Variants in AGPAT2 observed in about 807,000 individuals in gnomAD.
AGPAT2 encodes 1-acyl-sn-glycerol-3-phosphate acyltransferase beta.
In AGPAT2, 18 loss-of-function variants were observed where a neutral mutation model predicts 26.1. The observed-to-expected ratio is 0.69, with a 90% CI of 0.48 to 1.02. The LOEUF (loss-of-function observed/expected upper bound fraction) is 1.02. Ranked by LOEUF, AGPAT2 falls within the 50% of genes least tolerant of loss-of-function variation. The pLI is 0.00. For synonymous variants in AGPAT2, 200 were observed against 174.2 expected, an observed-to-expected ratio of 1.15 and a Z score of -1.16; for missense variants, 415 against 394.9, an observed-to-expected ratio of 1.05 and a Z score of -0.43.
At chr9:136,679,244 G>A (rs576304766) in intron 1 of AGPAT2, among the ~76,000 whole-genome samples, 145 of 152,068 alleles carry the variant, frequency 9.5e-4, no homozygotes, top group African/African-American at 3.3e-3. Context: ...CCCCTCCCCA[G>A]CCCTGGCACT....
Position 136,673,739 on chromosome 9 carries a change from GCC to G in AGPAT2, c.*11_*12del, listed in dbSNP as rs1846043547. 3 of 1,566,976 alleles carry G rather than the reference GCC, an allele frequency of 1.9e-6. No homozygotes were observed. Among genetic ancestry groups the G allele is most frequent in the African/African-American group, 2.7e-5 (2 of 74,082 alleles). ...ACCTGCCCTCCCCAGGTCATGCCCT[GCC>G]GTGGTCTGGGCTACTGGGCCGGCTG... On this transcript the variant is annotated 3_prime_UTR_variant, in exon 6 of 6. Transcript: ENST00000371696.
rs142248792 is a variant in AGPAT2 at position 136,674,756 on chromosome 9, T to C, written c.640A>G (p.Lys214Glu). ...GTACCTGAAGTGAAGAACTTCTTCTTGGTGTTGTAGAAGGAGGAGAAGGAA... is the reference window on the plus strand; with the variant it reads ...GTACCTGAAGTGAAGAACTTCTTCTCGGTGTTGTAGAAGGAGGAGAAGGAA... ...YSSFSSFYNTKKKFFTSGTVT... is the reference protein window; with the variant it reads ...YSSFSSFYNTEKKFFTSGTVT... Residue 214 changes from lysine (K) to glutamate (E), a missense_variant, in exon 5 of 6, where the codon AAG (lysine) becomes GAG (glutamate). Physicochemically the swap from Lys to Glu is moderately conservative, Grantham distance 56. Transcript: ENST00000371696. 1.5e-4 allele frequency: 231 copies of C among 1,517,790 alleles called. 1 individual carries two copies. The African/African-American group carries it at 3.0e-3, about 20-fold the overall frequency. 94.0% of individuals were successfully genotyped at this position (1,517,790 alleles called of 1,614,324 possible).
intron 2 of AGPAT2, 96 bp downstream of exon 2, chr9:136,677,327 A>AGCC: frequency 6.3e-7 from 1 of 1,584,532 alleles, no homozygotes; most frequent in Non-Finnish European, 8.6e-7. Context: ...AGGCACAGGC[A>AGCC]GCCCTGTGTC....
Position 136,673,641 on chromosome 9 carries a change from G to A in AGPAT2, c.*111C>T, listed in dbSNP as rs1202250573. 57 of 1,210,634 alleles carry A rather than the reference G, an allele frequency of 4.7e-5. No individual in the cohort carries two copies. Among genetic ancestry groups the A allele is most frequent in the Non-Finnish European group, 5.4e-5 (49 of 900,962 alleles). The allele number at this position is 1,210,634 out of a possible 1,614,324, so 75.0% of individuals were successfully genotyped here. On this transcript the variant is annotated 3_prime_UTR_variant, in exon 6 of 6. Transcript: ENST00000371696. ...CTGCTTCCCGGGCTGAGTGAGAGCT[G>A]GGGGAGCCGGACAGAGTGGTATTTG...
At chr9:136,684,581 G>A (rs1227901368) in intron 1 of AGPAT2, among the ~76,000 whole-genome samples, 3 of 152,166 alleles carry the variant, frequency 2.0e-5, no homozygotes, top group African/African-American at 4.8e-5. Context: ...CCTCAGCCAG[G>A]GCAGCCATTG....
chr9:136,683,401 G>C (rs1031550315), intron 1 of AGPAT2, among the ~76,000 whole-genome samples: 6 of 152,094 alleles, frequency 3.9e-5, no homozygotes, highest in African/African-American at 1.4e-4. Context: ...TCCTGGGCTG[G>C]GACACTCCCA....
chr9:136,685,029 C>T (rs542064199), intron 1 of AGPAT2, among the ~76,000 whole-genome samples: 6 of 152,324 alleles, frequency 3.9e-5, no homozygotes, highest in African/African-American at 1.4e-4. Flanking sequence ...TGCTGGGAGT[C>T]TTGGAAGTCA....
chr9:136,677,355 G>A (rs1846105603), intron 2 of AGPAT2, 68 bp downstream of exon 2: 3 of 1,610,084 alleles, frequency 1.9e-6, no homozygotes, highest in Non-Finnish European at 2.5e-6. Flanking sequence ...CCGGGACCCA[G>A]CCCCACACAG....
chr9:136,676,968 C>T lies in AGPAT2; in HGVS notation c.485G>A (p.Arg162Lys). The T allele has an allele frequency of 6.2e-7, 1 of 1,612,560 alleles. No individual in the cohort carries two copies. Among genetic ancestry groups the T allele is most frequent in the Non-Finnish European group, 8.5e-7 (1 of 1,179,804 alleles). Residue 162 changes from arginine to lysine, a missense_variant, in exon 3 of 6, where the codon AGG becomes AAG. By Grantham distance (26) the Arg-to-Lys change is conservative. Transcript: ENST00000371696. The part of the protein sequence containing the change: ...VMADLGERMV[R>K]ENLKVWIYPE... ...CCGGCCCTGCACACTCACGTTCTCCCTGACCATGCGCTCGCCCAGGTCGGC... is the reference window on the plus strand; with the variant it reads ...CCGGCCCTGCACACTCACGTTCTCCTTGACCATGCGCTCGCCCAGGTCGGC...
Position 136,676,959 on chromosome 9 carries a change from ACGTTCTCCCTGACCATG to A in AGPAT2, c.477_492+1del. The A allele has an allele frequency of 6.3e-7, 1 of 1,577,890 alleles. No homozygotes were observed. ...CCACCGAGCCCGGCCCTGCACACTC[ACGTTCTCCCTGACCATG>A]CGCTCGCCCAGGTCGGCCATCACTG... On this transcript the variant is annotated splice_donor_variant and coding_sequence_variant, in exon 3 of 6. Coordinates refer to ENST00000371696, the MANE Select transcript of AGPAT2 (RefSeq NM_006412.4). LOFTEE classifies it high-confidence loss of function.
chr9:136,679,483 C>T (rs779099887), intron 1 of AGPAT2, among the ~76,000 whole-genome samples: 3 of 152,186 alleles, frequency 2.0e-5, no homozygotes, highest in Admixed American at 6.5e-5. Flanking sequence ...CGCCGGCCAC[C>T]GTCCCCTCCC....
chr9:136,676,581 C>T lies in AGPAT2; in HGVS notation c.588+4G>A. 6.2e-7 allele frequency: 1 copy of T among 1,612,408 alleles called. No homozygotes were observed. Among genetic ancestry groups the T allele is most frequent in the Non-Finnish European group, 8.5e-7 (1 of 1,179,462 alleles). The stretch of plus-strand genomic sequence containing the variant: ...CCACCCAGGGAGGGCTGGGCTCAGC[C>T]TACCTGTGCCTGGACTGCCAGGTAG... On this transcript the variant is annotated splice_donor_region_variant and intron_variant, in intron 4 of 5. Coordinates refer to ENST00000371696, the MANE Select transcript of AGPAT2 (RefSeq NM_006412.4).
intron 5 of AGPAT2, among the ~76,000 whole-genome samples, chr9:136,674,485 A>C (rs980402913): frequency 1.3e-5 from 2 of 152,244 alleles, no homozygotes; most frequent in Non-Finnish European, 2.9e-5. Context: ...GCTGGGGTCC[A>C]TCCGTGTGAA....
Position 136,687,307 on chromosome 9 carries a change from C to G in AGPAT2, c.51G>C (p.Leu17=), listed in dbSNP as rs781186709. 5 of 1,536,884 alleles carry G rather than the reference C, an allele frequency of 3.3e-6. No individual in the cohort carries two copies. The Middle Eastern group carries it at 5.1e-4, about 158-fold the overall frequency. ...ACTCGGCCGCGCGGCTCAGCTGCAC[C>G]AGCAGCAGCAGCAACAGCAGCGCCG... ...LAAALLLLLL[L]VQLSRAAEFY... is the part of the protein sequence containing the mutation. Residue 17 remains leucine (L), a synonymous_variant, in exon 1 of 6, where the codon CTG becomes CTC. Coordinates refer to ENST00000371696, the MANE Select transcript of AGPAT2 (RefSeq NM_006412.4).
intron 4 of AGPAT2, among the ~76,000 whole-genome samples, 180 bp from the exon 5 acceptor site, chr9:136,674,987 C>G (rs557015331): frequency 1.2e-4 from 18 of 152,176 alleles, no homozygotes; most frequent in Non-Finnish European, 2.5e-4. Context: ...TCTGGTTGGC[C>G]CAGAGTTCCA....
At chr9:136,685,057 T>C (rs1333072045) in intron 1 of AGPAT2, among the ~76,000 whole-genome samples, 1 of 152,154 alleles carries the variant, frequency 6.6e-6, no homozygotes, top group Non-Finnish European at 1.5e-5. Flanking sequence ...CCCTGGGGCC[T>C]GGGGAGCACG....
rs1846233178 is a variant in AGPAT2 at position 136,687,183 on chromosome 9, T to G, written c.175A>C (p.Asn59His). 11 of 1,588,462 alleles carry G rather than the reference T, an allele frequency of 6.9e-6. No individual in the cohort carries two copies. The highest frequency in any genetic ancestry group is 9.4e-6 in the Non-Finnish European group (11 of 1,172,424). ...GGCGGCCCCCGGCCTTGCCTCATGT[T>G]CTCCACCGTCCGGCCGCCGTGGCGC... ...LLRHGGRTVE[N>H]MSIIGWFVRS... The change falls in exon 1 of 6, where the codon AAC becomes CAC. Residue 59 changes from asparagine to histidine, a missense_variant. Transcript: ENST00000371696.
chr9:136,681,447 C>T (rs183867549), intron 1 of AGPAT2, among the ~76,000 whole-genome samples: 163 of 152,332 alleles, frequency 1.1e-3, no homozygotes, highest in African/African-American at 3.8e-3. Flanking sequence ...ACTTCCCCCG[C>T]GGTGTCCCGT....
chr9:136,678,810 T>C (rs141598991), intron 1 of AGPAT2, among the ~76,000 whole-genome samples: 7 of 119,894 alleles, frequency 5.8e-5, no homozygotes, highest in Non-Finnish European at 9.4e-5. Flanking sequence ...ATGTGTCACA[T>C]TGTGCAGTGT....
Sources: gnomAD v4.1 joint callset for allele counts (sites outside exome capture counted in the v4.1 genomes callset) on GRCh38, gnomAD v4.1.1 for gene constraint, MANE v1.5 for transcripts, NCBI Gene and HGNC (gene_info 2026-07-23, HGNC 2026-07-21) for gene names.